RMST: variants seen among roughly 807,000 people sequenced by gnomAD.
RMST encodes the protein rhabdomyosarcoma 2 associated transcript, also known as long intergenic non-protein coding RNA 54.
At chr12:97,554,184 C>A (rs1172922650) in intron 11 of RMST, among the ~76,000 whole-genome samples, 4 of 151,966 alleles carry the variant, frequency 2.6e-5, no homozygotes, top group African/African-American at 9.7e-5. Flanking sequence ...GAACTCCCGA[C>A]CTCAGGTGAT....
At chr12:97,546,578 TC>T (rs1882946047) in intron 11 of RMST, among the ~76,000 whole-genome samples, 1 of 152,046 alleles carries the variant, frequency 6.6e-6, no homozygotes, top group Admixed American at 6.6e-5. Flanking sequence ...CAAGACTCCA[TC>T]TTGTAAGAAA....
chr12:97,507,254 A>C (rs1878787654), intron 10 of RMST, among the ~76,000 whole-genome samples: 1 of 136,574 alleles, frequency 7.3e-6, no homozygotes, highest in African/African-American at 3.0e-5. Flanking sequence ...CTGGGTTGTT[A>C]TTGTTTTTTT....
chr12:97,482,915 T>C (rs537156669), intron 5 of RMST, among the ~76,000 whole-genome samples: 28 of 151,370 alleles, frequency 1.8e-4, no homozygotes, highest in Non-Finnish European at 3.8e-4. Flanking sequence ...CCACCCAAGA[T>C]TTTTTCTATT....
chr12:97,549,731 CCT>C (rs902221333), intron 11 of RMST, among the ~76,000 whole-genome samples: 2 of 152,112 alleles, frequency 1.3e-5, no homozygotes, highest in African/African-American at 4.8e-5. Flanking sequence ...TAGTTTTTCC[CCT>C]GTTCCAATGT....
intron 5 of RMST, among the ~76,000 whole-genome samples, chr12:97,479,133 CTTTTTTTTTTTTTT>C (rs386377507): frequency 5.1e-4 from 35 of 69,046 alleles, no homozygotes; most frequent in Non-Finnish European, 7.7e-4. Context: ...CTTGTCTTTG[CTTTTTTTTTTTTTT>C]TTTTTTTTTT....
At chr12:97,506,675 G>GTTTTT (rs780505590) in intron 10 of RMST, among the ~76,000 whole-genome samples, 7 of 76,952 alleles carry the variant, frequency 9.1e-5, no homozygotes, top group East Asian at 4.2e-4. Flanking sequence ...AGGGTAATCT[G>GTTTTT]TTTTTTTTTT....
chr12:97,552,424 A>G (rs940741235), intron 11 of RMST, among the ~76,000 whole-genome samples: 2 of 152,220 alleles, frequency 1.3e-5, no homozygotes, highest in African/African-American at 4.8e-5. Flanking sequence ...ATTCCTTGAC[A>G]TGAATTCCTA....
intron 10 of RMST, among the ~76,000 whole-genome samples, chr12:97,520,413 T>TG (rs909530170): frequency 1.3e-4 from 20 of 152,336 alleles, no homozygotes; most frequent in Admixed American, 3.9e-4. Flanking sequence ...AATGAATTGA[T>TG]GGGGCTCTTT....
intron 10 of RMST, among the ~76,000 whole-genome samples, chr12:97,507,847 C>T (rs977176821): frequency 2.0e-5 from 3 of 152,124 alleles, no homozygotes; most frequent in African/African-American, 7.2e-5. Context: ...CATGGAAGAA[C>T]ACTGCAGCTG....
intron 11 of RMST, among the ~76,000 whole-genome samples, chr12:97,555,833 C>T (rs940374426): frequency 6.6e-6 from 1 of 152,300 alleles, no homozygotes; most frequent in Admixed American, 6.5e-5. Context: ...CCAACTGTCT[C>T]GGGAATTTCT....
At chr12:97,521,368 C>T (rs957110088) in intron 10 of RMST, among the ~76,000 whole-genome samples, 1 of 151,932 alleles carries the variant, frequency 6.6e-6, no homozygotes, top group South Asian at 2.1e-4. Flanking sequence ...AAGTCTCTCT[C>T]CAAGAGGAGG....
At chr12:97,526,213 A>G (rs563953496) in intron 10 of RMST, among the ~76,000 whole-genome samples, 219 of 152,212 alleles carry the variant, frequency 1.4e-3, no homozygotes, top group African/African-American at 4.9e-3. Context: ...CCATGGAAAA[A>G]TTATCATCTG....
intron 11 of RMST, among the ~76,000 whole-genome samples, chr12:97,542,906 C>T (rs1465713273): frequency 1.3e-5 from 2 of 151,918 alleles, no homozygotes; most frequent in Middle Eastern, 3.2e-3. Flanking sequence ...CAGCTACTCT[C>T]GACTGTGGCT....
chr12:97,475,679 A>G (rs1257827529), intron 5 of RMST, among the ~76,000 whole-genome samples: 1 of 151,350 alleles, frequency 6.6e-6, no homozygotes, highest in Admixed American at 6.6e-5. Flanking sequence ...ACAGGTTACT[A>G]TACAGAGGTT....
chr12:97,476,761 A>C (rs1487084845), intron 5 of RMST, among the ~76,000 whole-genome samples: 1 of 152,226 alleles, frequency 6.6e-6, no homozygotes, highest in East Asian at 1.9e-4. Context: ...ATTTATAGCT[A>C]TATAATACCT....
intron 11 of RMST, among the ~76,000 whole-genome samples, chr12:97,550,176 G>A (rs1883210521): frequency 1.3e-5 from 2 of 152,158 alleles, no homozygotes; most frequent in African/African-American, 2.4e-5. Context: ...CAGATCACCT[G>A]AGGTCGGGAG....
chr12:97,470,970 C>T (rs527327154), intron 5 of RMST, among the ~76,000 whole-genome samples: 1 of 152,082 alleles, frequency 6.6e-6, no homozygotes, highest in Non-Finnish European at 1.5e-5. Context: ...TATCAATAAA[C>T]AGTACTTGTG....
At chr12:97,500,348 C>T (rs1179028512) in intron 10 of RMST, among the ~76,000 whole-genome samples, 1 of 152,134 alleles carries the variant, frequency 6.6e-6, no homozygotes, top group Non-Finnish European at 1.5e-5. Context: ...TCATGGATTT[C>T]AGTCCACGAT....
intron 5 of RMST, among the ~76,000 whole-genome samples, chr12:97,488,448 G>T (rs115143668): frequency 3.3e-4 from 50 of 152,272 alleles, no homozygotes; most frequent in African/African-American, 1.2e-3. Context: ...TTTAATTCTT[G>T]ACCAAGGCAC....
Sources: allele counts gnomAD v4.1 joint callset (sites outside exome capture counted in the v4.1 genomes callset), GRCh38; gene constraint gnomAD v4.1.1; transcripts MANE v1.5; gene names NCBI Gene and HGNC (gene_info 2026-07-23, HGNC 2026-07-21).